Variants in ADGRL3 observed in about 807,000 individuals in gnomAD.
ADGRL3 encodes the protein adhesion G protein-coupled receptor L3.
A neutral mutation model predicts 153.5 loss-of-function variants in ADGRL3; 62 were observed. That is an observed-to-expected ratio of 0.40 (90% CI 0.33 to 0.50). The LOEUF (loss-of-function observed/expected upper bound fraction) is 0.50, where lower values mean the gene tolerates loss of function less well. Ranked by LOEUF, ADGRL3 falls within the 20% of genes least tolerant of loss-of-function variation. ADGRL3 has a pLI of 0.47. For synonymous variants in ADGRL3, 710 were observed against 672.5 expected, an observed-to-expected ratio of 1.06 and a Z score of -0.86; for missense variants, 1,641 against 1,859.4, an observed-to-expected ratio of 0.88 and a Z score of 2.16.
At position 61,737,925 on chromosome 4, in the gene ADGRL3, C is replaced by CT. The variant is rs201707620; in HGVS notation, c.1399+4380dup. Among the ~76,000 whole-genome samples, 372 of 150,246 alleles carry CT rather than the reference C, an allele frequency of 2.5e-3. 3 individuals are homozygous for CT. Among genetic ancestry groups the CT allele is most frequent in the African/African-American group, 8.2e-3 (336 of 40,960 alleles). On this transcript the variant is annotated intron_variant, in intron 8 of 26. Transcript: ENST00000683033. ...TAGTCTTTTTATCATTCCATTTTTT[C>CT]TTTTTTTTTAAATTACTTCCATAAG...
chr4:61,494,711 T>C (rs1256773575), intron 2 of ADGRL3, among the ~76,000 whole-genome samples: 2 of 152,142 alleles, frequency 1.3e-5, no homozygotes, highest in East Asian at 3.8e-4. Flanking sequence ...TTTCTCTATT[T>C]GTAAAGGTAA....
At chr4:61,587,039 T>G (rs2098949253) in intron 4 of ADGRL3, among the ~76,000 whole-genome samples, 188 bp from the exon 5 acceptor site, 1 of 152,150 alleles carries the variant, frequency 6.6e-6, no homozygotes, top group Non-Finnish European at 1.5e-5. Context: ...CTGTTTCTGT[T>G]AGATTAGAAG....
At chr4:61,802,111 GT>G (rs1341428633) in intron 8 of ADGRL3, among the ~76,000 whole-genome samples, 5 of 152,124 alleles carry the variant, frequency 3.3e-5, no homozygotes, top group Admixed American at 2.6e-4. Context: ...AGATGTGTCA[GT>G]TGAATTATAT....
intron 8 of ADGRL3, among the ~76,000 whole-genome samples, chr4:61,741,652 A>G (rs909140333): frequency 6.6e-6 from 1 of 152,110 alleles, no homozygotes; most frequent in African/African-American, 2.4e-5. Context: ...TTATGTCTTC[A>G]TAATTGAGGG....
intron 1 of ADGRL3, among the ~76,000 whole-genome samples, chr4:61,371,893 C>A (rs1261277689): frequency 6.6e-6 from 1 of 152,166 alleles, no homozygotes; most frequent in African/African-American, 2.4e-5. Context: ...TTGGTCTTTT[C>A]ACATAGTCCC....
chr4:61,557,060 A>G lies in ADGRL3; in HGVS notation c.260-30167A>G, dbSNP rs148445812. Among the ~76,000 whole-genome samples the G allele has an allele frequency of 2.4e-3, 372 of 152,332 alleles. 10 individuals are homozygous for G. The highest frequency in any genetic ancestry group is 2.3e-3 in the East Asian group (12 of 5,188). On this transcript the variant is annotated intron_variant, in intron 4 of 26. Coordinates refer to ENST00000683033, the MANE Select transcript of ADGRL3 (RefSeq NM_001387552.1). ...TTCTAATCTACAGCAAGATAAAGCC[A>G]GTAGTTTCAACACTGGTAAACAAAT...
At chr4:61,621,010 CTTAT>C (rs1385136266) in intron 5 of ADGRL3, among the ~76,000 whole-genome samples, 5 of 151,996 alleles carry the variant, frequency 3.3e-5, no homozygotes, top group South Asian at 4.2e-4. Flanking sequence ...ATTTTATCGG[CTTAT>C]TTGTTATTTT....
chr4:61,465,960 C>T lies in ADGRL3; in HGVS notation c.-173-31161C>T, dbSNP rs191283782. Among the ~76,000 whole-genome samples the T allele has an allele frequency of 6.8e-3, 1,030 of 151,402 alleles. 14 individuals carry two copies. Among genetic ancestry groups the T allele is most frequent in the Non-Finnish European group, 8.2e-3 (559 of 67,794 alleles). On this transcript the variant is annotated intron_variant, in intron 2 of 26. Transcript: ENST00000683033. Reference sequence around the variant, plus strand: ...AACTCCGTGAAACACCCTCTGTACTCGAATACAAAACATTAGCTAGACGTG... The same window carrying T: ...AACTCCGTGAAACACCCTCTGTACTTGAATACAAAACATTAGCTAGACGTG...
chr4:61,689,801 T>C (rs1056596835), intron 6 of ADGRL3, among the ~76,000 whole-genome samples: 1 of 152,118 alleles, frequency 6.6e-6, no homozygotes, highest in Non-Finnish European at 1.5e-5. Flanking sequence ...GGTGGCATAC[T>C]GACAAATCAA....
In ADGRL3 at chr4:61,897,850, G is replaced by C. The variant is rs192773627; in HGVS notation, c.1887+2016G>C. Among the ~76,000 whole-genome samples the C allele has an allele frequency of 1.5e-4, 23 of 152,108 alleles. No individual in the cohort carries two copies. The East Asian group carries it at 4.3e-3, about 28-fold the overall frequency. Reference sequence around the variant, plus strand: ...GAGGTTTTGTTTACAATGGTATTGGGGCAGTAAAGGCAAACTGCAAGGGAT... The same window carrying C: ...GAGGTTTTGTTTACAATGGTATTGGCGCAGTAAAGGCAAACTGCAAGGGAT... On this transcript the variant is annotated intron_variant, in intron 11 of 26. Coordinates refer to ENST00000683033, the MANE Select transcript of ADGRL3 (RefSeq NM_001387552.1).
chr4:61,799,012 T>C (rs1413693990), intron 8 of ADGRL3, among the ~76,000 whole-genome samples: 7 of 108,132 alleles, frequency 6.5e-5, no homozygotes, highest in African/African-American at 1.7e-4. Context: ...TATATATATA[T>C]ATATATATAT....
At chr4:61,807,994 G>A (rs1193396829) in intron 8 of ADGRL3, among the ~76,000 whole-genome samples, 2 of 152,104 alleles carry the variant, frequency 1.3e-5, no homozygotes, top group African/African-American at 2.4e-5. Flanking sequence ...TGATCTGTAG[G>A]CATCCACTCA....
At chr4:61,763,041 T>C (rs750588828) in intron 8 of ADGRL3, among the ~76,000 whole-genome samples, 1 of 152,110 alleles carries the variant, frequency 6.6e-6, no homozygotes, top group Non-Finnish European at 1.5e-5. Context: ...TTTTTCCCCT[T>C]AAAAAAAGAA....
At chr4:62,007,356 T>TTATATA (rs71666906) in intron 21 of ADGRL3, among the ~76,000 whole-genome samples, 2,051 of 30,850 alleles carry the variant, frequency 0.066, 149 homozygotes, top group African/African-American at 0.11. Context: ...GACAAAATGA[T>TTATATA]TATATATATA....
chr4:61,687,730 A>G (rs2095472059), intron 6 of ADGRL3, among the ~76,000 whole-genome samples: 1 of 152,148 alleles, frequency 6.6e-6, no homozygotes, highest in Non-Finnish European at 1.5e-5. Context: ...GTAAATAAAG[A>G]GTTGTTTATG....
chr4:61,549,528 A>T (rs1356522330), intron 4 of ADGRL3, among the ~76,000 whole-genome samples: 1 of 151,986 alleles, frequency 6.6e-6, no homozygotes, highest in African/African-American at 2.4e-5. Flanking sequence ...TTTTGTGGAG[A>T]CACGCTCTCT....
intron 24 of ADGRL3, among the ~76,000 whole-genome samples, chr4:62,038,244 C>T (rs1726182634): frequency 6.6e-6 from 1 of 152,022 alleles, no homozygotes; most frequent in Admixed American, 6.6e-5. Context: ...CACAAACTGA[C>T]ACAATTTACA....
intron 6 of ADGRL3, among the ~76,000 whole-genome samples, chr4:61,728,776 A>G (rs192616052): frequency 5.9e-5 from 9 of 151,976 alleles, no homozygotes; most frequent in Admixed American, 5.9e-4. Flanking sequence ...TCTATCCCCA[A>G]CCTCAGCCTT....
At chr4:61,823,274 G>A (rs2097771853) in intron 9 of ADGRL3, among the ~76,000 whole-genome samples, 1 of 152,158 alleles carries the variant, frequency 6.6e-6, no homozygotes, top group African/African-American at 2.4e-5. Flanking sequence ...GAAAAAATAT[G>A]TTTAATGTCT....
Sources: gnomAD v4.1 joint callset for allele counts (sites outside exome capture counted in the v4.1 genomes callset) on GRCh38, gnomAD v4.1.1 for gene constraint, MANE v1.5 for transcripts, NCBI Gene and HGNC (gene_info 2026-07-23, HGNC 2026-07-21) for gene names.